The following TG variants were observed in gnomAD, a reference collection of about 807,000 sequenced individuals.
The protein encoded by TG is thyroid hormones.
A neutral mutation model predicts 324.7 loss-of-function variants in TG; 270 were observed. That is an observed-to-expected ratio of 0.83 (90% CI 0.75 to 0.92). The LOEUF (loss-of-function observed/expected upper bound fraction) is 0.92. TG is among the 40% of genes least tolerant of loss of function. TG has a pLI of 0.00. For synonymous variants in TG, 1,401 were observed against 1,327.0 expected, an observed-to-expected ratio of 1.06 and a Z score of -1.21; for missense variants, 3,591 against 3,456.4, an observed-to-expected ratio of 1.04 and a Z score of -0.98.
intron 5 of TG, among the ~76,000 whole-genome samples, chr8:132,880,764 A>G (rs761761572): frequency 6.6e-5 from 10 of 152,232 alleles, no homozygotes; most frequent in Non-Finnish European, 1.2e-4. Flanking sequence ...CAATACATGT[A>G]TATGGCATTT....
intron 34 of TG, among the ~76,000 whole-genome samples, chr8:132,977,757 C>T (rs1034148844): frequency 2.6e-5 from 4 of 152,068 alleles, no homozygotes; most frequent in African/African-American, 9.7e-5. Context: ...CAGGTCCCTC[C>T]CACAACACAT....
rs1260743211 is a variant in TG at position 132,887,029 on chromosome 8, G to T, written c.1657G>T (p.Gly553Cys). The T allele has an allele frequency of 6.2e-7, 1 of 1,614,152 alleles. No homozygotes were observed. The change falls in exon 9 of 48, where the codon GGC becomes TGC. Residue 553 changes from glycine (G) to cysteine (C), a missense_variant. Coordinates refer to ENST00000220616, the MANE Select transcript of TG (RefSeq NM_003235.5). ...GAATAAGCCAACTGTGGGCAGCTTT[G>T]GCTTTGAAATTAACCTACAAGAGAA... Reference protein sequence around the residue: ...TMNKPTVGSFGFEINLQENQN... With the variant: ...TMNKPTVGSFCFEINLQENQN...
At chr8:132,913,014 G>C (rs753628934) in intron 19 of TG, 33 bp from the exon 20 acceptor site, 1 of 1,605,796 alleles carries the variant, frequency 6.2e-7, no homozygotes, top group Non-Finnish European at 8.5e-7. Context: ...GAGTACAGTG[G>C]GGGTGACCTC....
intron 21 of TG, among the ~76,000 whole-genome samples, chr8:132,920,539 T>C (rs1286764092): frequency 6.6e-6 from 1 of 152,248 alleles, no homozygotes; most frequent in Admixed American, 6.5e-5. Context: ...TAGAGTGTCC[T>C]TGACATCTGG....
chr8:133,063,033 G>A (rs895979256), intron 41 of TG, among the ~76,000 whole-genome samples: 1 of 152,164 alleles, frequency 6.6e-6, no homozygotes, highest in African/African-American at 2.4e-5. Context: ...TATCATCACC[G>A]AGGCCTTTGG....
In TG at chr8:133,113,614, C is replaced by T. The variant is rs966054700; in HGVS notation, c.7754+11C>T. The T allele has an allele frequency of 1.2e-6, 2 of 1,613,330 alleles. No individual in the cohort carries two copies. Among genetic ancestry groups the T allele is most frequent in the Admixed American group, 3.3e-5 (2 of 59,908 alleles). On this transcript the variant is annotated intron_variant, in intron 44 of 47. Coordinates refer to ENST00000220616, the MANE Select transcript of TG (RefSeq NM_003235.5). ...GGAGAATGCCACCCGGTAAGCTAAG[C>T]TGCAGGAGGGTGCAGATTCCTACTG...
In TG at chr8:132,969,471, T is replaced by C; in HGVS notation, c.5877T>C (p.Asp1959=). 6.2e-7 allele frequency: 1 copy of C among 1,612,618 alleles called. No homozygotes were observed. Among genetic ancestry groups the C allele is most frequent in the South Asian group, 1.1e-5 (1 of 91,048 alleles). The change falls in exon 32 of 48, where the codon GAT becomes GAC. Residue 1959 remains aspartate (D), a synonymous_variant. Transcript: ENST00000220616. ...TCCTCTATGAAGTTATACTGGAAGA[T>C]AAAGTGAAGAACTTTTACACTCGCC... ...ALFRKKVILE[D]KVKNFYTRLP...
At position 133,090,416 on chromosome 8, in the gene TG, A is replaced by G. The variant is rs556085726; in HGVS notation, c.7240-4628A>G. 2.0e-5 allele frequency among the ~76,000 whole-genome samples: 3 copies of G among 152,322 alleles called. No homozygotes were observed. In the South Asian group the frequency reaches 6.2e-4, roughly 32 times the overall value. On this transcript the variant is annotated intron_variant, in intron 41 of 47. Transcript: ENST00000220616. ...CTTCATAGTGCTGTGGCAGGACATAAATCAAGAGAGTGAGCAAAAAAGCAC... is the reference window on the plus strand; with the variant it reads ...CTTCATAGTGCTGTGGCAGGACATAGATCAAGAGAGTGAGCAAAAAAGCAC...
intron 19 of TG, among the ~76,000 whole-genome samples, chr8:132,911,934 G>C (rs993680566): frequency 6.6e-6 from 1 of 152,202 alleles, no homozygotes; most frequent in Admixed American, 6.5e-5. Flanking sequence ...TCACGATATG[G>C]ATGAGTCAAC....
chr8:132,880,502 T>G (rs1814501529), intron 5 of TG, among the ~76,000 whole-genome samples: 1 of 152,230 alleles, frequency 6.6e-6, no homozygotes, highest in African/African-American at 2.4e-5. Context: ...AGTGAGTTTT[T>G]AATATTTGTT....
In TG at chr8:132,886,911, G is replaced by C. The variant is rs1393525107; in HGVS notation, c.1539G>C (p.Gly513=). 2 of 1,614,136 alleles carry C rather than the reference G, an allele frequency of 1.2e-6. No homozygotes were observed. The highest frequency in any genetic ancestry group is 2.2e-5 in the South Asian group (2 of 91,080). The change falls in exon 9 of 48, where the codon GGG becomes GGC. Residue 513 remains glycine, a synonymous_variant. Transcript: ENST00000220616. ...QLGLASFLNG[G]RQEDLAKPLS... ...GTCTTGCAAGCTTCTTGAATGGAGG[G>C]AGACAAGAAGATTTGGCCAAGCCAC...
chr8:132,955,045 G>T (rs1247856571), intron 27 of TG, among the ~76,000 whole-genome samples: 1 of 152,144 alleles, frequency 6.6e-6, no homozygotes, highest in African/African-American at 2.4e-5. Flanking sequence ...GGCACCATCT[G>T]CTGGGAAGGA....
chr8:133,129,068 C>T (rs1364231980), intron 45 of TG, among the ~76,000 whole-genome samples: 1 of 152,210 alleles, frequency 6.6e-6, no homozygotes, highest in Non-Finnish European at 1.5e-5. Flanking sequence ...CAGCCAGTGC[C>T]CAGATTCACC....
At chr8:133,070,280 C>T (rs918099287) in intron 41 of TG, among the ~76,000 whole-genome samples, 2 of 152,062 alleles carry the variant, frequency 1.3e-5, no homozygotes, top group Admixed American at 1.3e-4. Flanking sequence ...CAGCACAGGC[C>T]GCATCCAGAC....
At chr8:132,924,901 G>A (rs765405286) in intron 22 of TG, among the ~76,000 whole-genome samples, 15 of 152,200 alleles carry the variant, frequency 9.9e-5, no homozygotes, top group Admixed American at 2.0e-4. Context: ...TGTTAAACTT[G>A]GAGGGAGGCT....
intron 14 of TG, among the ~76,000 whole-genome samples, chr8:132,899,796 G>T (rs1044062604): frequency 6.6e-6 from 1 of 152,148 alleles, no homozygotes; most frequent in African/African-American, 2.4e-5. Context: ...GCTTAGAGGC[G>T]CTCTGAGGTG....
At chr8:132,897,098 GT>G (rs2132255159) in intron 11 of TG, among the ~76,000 whole-genome samples, 1 of 152,326 alleles carries the variant, frequency 6.6e-6, no homozygotes, top group African/African-American at 2.4e-5. Context: ...AACTGTAGGA[GT>G]TTGGTAGGGA....
In TG at chr8:132,888,411, C is replaced by T; in HGVS notation, c.2604C>T (p.Phe868=). The change falls in exon 10 of 48, where the codon TTC becomes TTT. Residue 868 remains phenylalanine (F), a synonymous_variant. Coordinates refer to ENST00000220616, the MANE Select transcript of TG (RefSeq NM_003235.5). ...ATATCCTCCTGGAGCCCTACCTCTT[C>T]TGGCAGATCTTAAATGGCCAACTCA... The part of the protein sequence containing the change: ...RENILLEPYL[F]WQILNGQLSQ... The T allele has an allele frequency of 6.2e-7, 1 of 1,613,802 alleles. No individual in the cohort carries two copies. The highest frequency in any genetic ancestry group is 8.5e-7 in the Non-Finnish European group (1 of 1,179,704).
intron 8 of TG, among the ~76,000 whole-genome samples, chr8:132,885,808 G>A (rs1341008532): frequency 6.6e-6 from 1 of 152,176 alleles, no homozygotes; most frequent in Admixed American, 6.5e-5. Context: ...TGCTCTCCCT[G>A]AAGGTTCTAT....
Sources: allele counts gnomAD v4.1 joint callset (sites outside exome capture counted in the v4.1 genomes callset), GRCh38; gene constraint gnomAD v4.1.1; transcripts MANE v1.5; gene names NCBI Gene and HGNC (gene_info 2026-07-23, HGNC 2026-07-21).